The following ZFHX3 variants were observed in gnomAD, a reference collection of about 807,000 sequenced individuals.
ZFHX3 encodes zinc finger homeobox 3.
ZFHX3 carries 42 observed loss-of-function variants against 279.1 expected under a neutral mutation model. The observed-to-expected ratio is 0.15, with a 90% CI of 0.12 to 0.19. The LOEUF is 0.19. Among genes scored for constraint, ZFHX3 ranks in the 10% least tolerant of loss-of-function variants. The probability of loss-of-function intolerance (pLI) is 1.00; values close to 1 mark genes in which losing one functional copy is unlikely to be tolerated. For synonymous variants in ZFHX3, 2,293 were observed against 1,957.8 expected (o/e 1.17, Z -4.52); for missense variants, 4,981 against 4,754.0 (o/e 1.05, Z -1.40).
chr16:73,249,049 G>A (rs2013399549), intron 5 of ZFHX3, among the ~76,000 whole-genome samples: 1 of 152,166 alleles, frequency 6.6e-6, no homozygotes. Context: ...ACAAGTGTCA[G>A]TGGTCACACT....
chr16:73,661,965 T>TC, intron 2 of ZFHX3, among the ~76,000 whole-genome samples: 1 of 146,826 alleles, frequency 6.8e-6, no homozygotes, highest in East Asian at 2.0e-4. Flanking sequence ...GGTCATTCTT[T>TC]TTTTTTTGTT....
intron 3 of ZFHX3, among the ~76,000 whole-genome samples, chr16:73,344,181 A>G (rs2016084841): frequency 6.6e-6 from 1 of 152,156 alleles, no homozygotes; most frequent in Admixed American, 6.5e-5. Context: ...TAACATCACA[A>G]ATAATGGCAC....
In ZFHX3 at chr16:72,958,248, T is replaced by A; in HGVS notation, c.1898A>T (p.Glu633Val). 3 of 1,613,178 alleles carry A rather than the reference T, an allele frequency of 1.9e-6. No homozygotes were observed. The highest frequency in any genetic ancestry group is 2.5e-6 in the Non-Finnish European group (3 of 1,179,210). The change falls in exon 2 of 10, where the codon GAG (glutamate) becomes GTG (valine). Residue 633 changes from glutamate (E) to valine (V), a missense_variant. By Grantham distance (121) the Glu-to-Val change is moderately radical. Around this residue, in one of 7 missense-constraint regions of ZFHX3, gnomAD observed 1,068 missense variants for 935.2 expected, o/e 1.14. Transcript: ENST00000268489. ...AGSLCELGVG[E>V]CPSGSGVECP... ...CTCCACGCCACTCCCCGAGGGGCAC[T>A]CCCCAACCCCAAGCTCGCAGAGGGA...
At chr16:72,852,630 A>C (rs1278048971) in intron 4 of ZFHX3, among the ~76,000 whole-genome samples, 4 of 152,274 alleles carry the variant, frequency 2.6e-5, no homozygotes, top group African/African-American at 9.6e-5. Context: ...ATGAGGGAAG[A>C]GAAAGATCTC....
intron 1 of ZFHX3, among the ~76,000 whole-genome samples, chr16:73,877,205 G>A (rs182737575): frequency 2.1e-5 from 3 of 141,076 alleles, no homozygotes; most frequent in Admixed American, 1.4e-4. Context: ...GTTAGGTCGG[G>A]GGGGGGTCCC....
At chr16:73,371,653 G>A (rs1179585730) in intron 3 of ZFHX3, among the ~76,000 whole-genome samples, 1 of 152,122 alleles carries the variant, frequency 6.6e-6, no homozygotes, top group African/African-American at 2.4e-5. Context: ...AAGCACTAGT[G>A]AGGCTCACAG....
chr16:73,673,862 C>A (rs2052927949), intron 2 of ZFHX3, among the ~76,000 whole-genome samples: 1 of 152,122 alleles, frequency 6.6e-6, no homozygotes, highest in Admixed American at 6.6e-5. Context: ...AGAACGTATG[C>A]ACATCAATAC....
intron 2 of ZFHX3, among the ~76,000 whole-genome samples, chr16:73,476,224 T>C (rs962509608): frequency 6.6e-6 from 1 of 152,168 alleles, no homozygotes; most frequent in Non-Finnish European, 1.5e-5. Context: ...ATCCAACTGG[T>C]GTTGAATAAA....
chr16:73,707,134 A>G (rs569660248), intron 1 of ZFHX3, among the ~76,000 whole-genome samples: 1 of 152,312 alleles, frequency 6.6e-6, no homozygotes, highest in African/African-American at 2.4e-5. Flanking sequence ...ATTTGAAGTC[A>G]TCAGCCAATT....
At chr16:73,824,400 G>GTT (rs1163569387) in intron 1 of ZFHX3, among the ~76,000 whole-genome samples, 174 of 125,760 alleles carry the variant, frequency 1.4e-3, no homozygotes, top group African/African-American at 5.0e-3. Flanking sequence ...TTTTTTTAAT[G>GTT]TTTTTTTTTT....
At chr16:73,362,838 C>G (rs990378382) in intron 3 of ZFHX3, among the ~76,000 whole-genome samples, 1 of 152,284 alleles carries the variant, frequency 6.6e-6, no homozygotes, top group Non-Finnish European at 1.5e-5. Flanking sequence ...AAACAGAGTA[C>G]GGTCAAACAA....
At chr16:73,112,876 C>G (rs1344862808) in intron 7 of ZFHX3, among the ~76,000 whole-genome samples, 1 of 152,012 alleles carries the variant, frequency 6.6e-6, no homozygotes, top group African/African-American at 2.4e-5. Context: ...GCCTGGCTGA[C>G]CAGGTGAGCG....
At chr16:73,054,105 C>A (rs567307805) in intron 1 of ZFHX3, among the ~76,000 whole-genome samples, 1 of 152,238 alleles carries the variant, frequency 6.6e-6, no homozygotes, top group East Asian at 1.9e-4. Flanking sequence ...AACCCAGTTA[C>A]TACTGCCCCC....
chr16:73,447,935 TTGA>T (rs1451936347), intron 3 of ZFHX3, among the ~76,000 whole-genome samples: 1 of 151,694 alleles, frequency 6.6e-6, no homozygotes, highest in Non-Finnish European at 1.5e-5. Flanking sequence ...CATTGAGGAG[TTGA>T]TGTGAGGTAA....
intron 7 of ZFHX3, among the ~76,000 whole-genome samples, chr16:72,803,184 T>C (rs1213872019): frequency 6.6e-6 from 1 of 152,002 alleles, no homozygotes; most frequent in African/African-American, 2.4e-5. Flanking sequence ...ATACAAAAAT[T>C]AGCCAGGCGT....
Position 72,787,298 on chromosome 16 carries a change from A to AGTC in ZFHX3, c.10975_10977dup (p.Asp3659dup), listed in dbSNP as rs1188223131. On this transcript the variant is annotated inframe_insertion, in exon 10 of 10. Transcript: ENST00000268489. ...AGATCCGTGTCAGACTCCTCCGAAT[A>AGTC]GTCGTCTGTTGGCATCGAGGGCTGA... is the stretch of plus-strand genomic sequence containing the variant. 46 of 1,613,874 alleles carry AGTC rather than the reference A, an allele frequency of 2.9e-5. No individual in the cohort carries two copies. The highest frequency in any genetic ancestry group is 5.0e-5 in the Admixed American group (3 of 59,990).
chr16:73,272,339 T>C lies in ZFHX3; in HGVS notation c.-1193-15203A>G, dbSNP rs543260493. ...TTTTCTGGTAAAATGTTATTGGTCTTTGAAGTAAAAAAATCTGAGACCTGT... is the reference window on the plus strand; with the variant it reads ...TTTTCTGGTAAAATGTTATTGGTCTCTGAAGTAAAAAAATCTGAGACCTGT... On this transcript the variant is annotated intron_variant, in intron 4 of 17. Coordinates refer to the ZFHX3 transcript ENST00000641206. Among the ~76,000 whole-genome samples, 93 of 152,316 alleles carry C rather than the reference T, an allele frequency of 6.1e-4. 1 individual carries two copies. The highest frequency in any genetic ancestry group is 2.2e-3 in the African/African-American group (90 of 41,574).
At chr16:73,591,105 C>T (rs1267446528) in intron 2 of ZFHX3, among the ~76,000 whole-genome samples, 1 of 152,124 alleles carries the variant, frequency 6.6e-6, no homozygotes, top group Admixed American at 6.5e-5. Flanking sequence ...GTAATCCCAG[C>T]ACTTTGGGAG....
chr16:73,660,951 A>T (rs1048155405), intron 2 of ZFHX3, among the ~76,000 whole-genome samples: 2 of 152,204 alleles, frequency 1.3e-5, no homozygotes, highest in African/African-American at 4.8e-5. Flanking sequence ...ACACGTATCT[A>T]CTGACCAGTT....
Sources: allele counts gnomAD v4.1 joint callset (sites outside exome capture counted in the v4.1 genomes callset), GRCh38; gene constraint gnomAD v4.1.1; regional missense constraint gnomAD v4.1.1; transcripts MANE v1.5; gene names NCBI Gene and HGNC (gene_info 2026-07-23, HGNC 2026-07-21).